LRRTM4: variants seen among roughly 807,000 people sequenced by gnomAD.
The protein encoded by LRRTM4 is leucine rich repeat transmembrane neuronal 4.
LRRTM4 carries 25 observed loss-of-function variants against 47.6 expected under a neutral mutation model. The observed-to-expected ratio is 0.53, with a 90% CI of 0.38 to 0.73. The LOEUF is 0.73. Among genes scored for constraint, LRRTM4 ranks in the 30% least tolerant of loss-of-function variants. LRRTM4 has a pLI of 0.00. For missense variants in LRRTM4, 638 were observed against 713.4 expected (o/e 0.89, Z 1.20); for synonymous variants, 311 against 269.5 (o/e 1.15, Z -1.51).
chr2:76,960,980 TC>T lies in LRRTM4; in HGVS notation c.1552-212065del, dbSNP rs562883941. On this transcript the variant is annotated intron_variant, in intron 3 of 3. Coordinates refer to ENST00000409884, the MANE Select transcript of LRRTM4 (RefSeq NM_001134745.3). ...TAATACTACAAGATAATTTATTTTT[TC>T]AATATAATTTTGTAATTAATACTTG... Among the ~76,000 whole-genome samples the T allele has an allele frequency of 5.3e-5, 8 of 151,710 alleles. No homozygotes were observed. In the East Asian group the frequency reaches 1.4e-3, roughly 26 times the overall value.
chr2:77,188,400 A>T (rs571675974), intron 3 of LRRTM4, among the ~76,000 whole-genome samples: 1 of 152,092 alleles, frequency 6.6e-6, no homozygotes, highest in East Asian at 1.9e-4. Flanking sequence ...TTTCCTTCAC[A>T]TTCTCTACTC....
At chr2:76,785,847 A>C (rs78490792) in intron 3 of LRRTM4, among the ~76,000 whole-genome samples, 2,383 of 152,264 alleles carry the variant, frequency 0.016, 68 homozygotes, top group African/African-American at 0.055. Flanking sequence ...TTTAAAAGAC[A>C]AGGATCAGCC....
chr2:76,965,437 T>C (rs1675990677), intron 3 of LRRTM4, among the ~76,000 whole-genome samples: 1 of 150,990 alleles, frequency 6.6e-6, no homozygotes, highest in African/African-American at 2.4e-5. Flanking sequence ...ATCAACAGGG[T>C]AAAAAAGAAT....
intron 3 of LRRTM4, among the ~76,000 whole-genome samples, chr2:77,129,849 T>A (rs13421737): frequency 0.49 from 74,520 of 151,946 alleles, 18,600 homozygotes; most frequent in East Asian, 0.66. Context: ...AGGTATAACT[T>A]TGGGAGTATA....
At chr2:77,209,990 G>T (rs886177521) in intron 3 of LRRTM4, among the ~76,000 whole-genome samples, 1 of 152,090 alleles carries the variant, frequency 6.6e-6, no homozygotes, top group Non-Finnish European at 1.5e-5. Context: ...CAATTATAAA[G>T]CTCTCTGCCT....
chr2:77,351,975 T>G (rs1168137310), intron 3 of LRRTM4, among the ~76,000 whole-genome samples: 1 of 152,118 alleles, frequency 6.6e-6, no homozygotes, highest in Non-Finnish European at 1.5e-5. Context: ...ACTTTATTAA[T>G]GAAGTCACCT....
intron 3 of LRRTM4, among the ~76,000 whole-genome samples, chr2:77,266,590 T>C (rs943390865): frequency 2.3e-4 from 35 of 152,116 alleles, no homozygotes; most frequent in African/African-American, 8.0e-4. Flanking sequence ...TCCAAAGGTC[T>C]ACAGAGGGGA....
intron 3 of LRRTM4, among the ~76,000 whole-genome samples, chr2:77,199,195 TTAA>T (rs1673909832): frequency 6.6e-6 from 1 of 152,140 alleles, no homozygotes; most frequent in East Asian, 1.9e-4. Context: ...GACTTCAATC[TTAA>T]TAACAGTATT....
intron 3 of LRRTM4, among the ~76,000 whole-genome samples, chr2:77,368,738 G>C (rs1422532686): frequency 6.6e-6 from 1 of 151,850 alleles, no homozygotes; most frequent in East Asian, 1.9e-4. Context: ...CCAAACGAAA[G>C]GAAAGGAATA....
intron 3 of LRRTM4, among the ~76,000 whole-genome samples, chr2:77,133,867 A>G (rs969311659): frequency 6.6e-6 from 1 of 152,184 alleles, no homozygotes; most frequent in African/African-American, 2.4e-5. Context: ...GATTGAACAA[A>G]AGTTTGTTCT....
At chr2:76,851,870 T>C (rs187120353) in intron 3 of LRRTM4, among the ~76,000 whole-genome samples, 3 of 151,976 alleles carry the variant, frequency 2.0e-5, no homozygotes, top group Non-Finnish European at 4.4e-5. Flanking sequence ...GATCCTGAAT[T>C]ATGCTAAAAT....
intron 3 of LRRTM4, among the ~76,000 whole-genome samples, chr2:76,973,160 AG>A (rs67224700): frequency 0.24 from 36,634 of 151,842 alleles, 5,570 homozygotes; most frequent in African/African-American, 0.42. Flanking sequence ...AGTTACAAGG[AG>A]ACTCTGACAA....
chr2:76,942,493 T>C (rs1440107134), intron 3 of LRRTM4, among the ~76,000 whole-genome samples: 1 of 87,648 alleles, frequency 1.1e-5, no homozygotes, highest in Non-Finnish European at 2.5e-5. Context: ...GTGCTAACAT[T>C]TTTTTTTTTT....
intron 3 of LRRTM4, among the ~76,000 whole-genome samples, chr2:77,345,749 T>C (rs892748111): frequency 2.0e-5 from 3 of 151,818 alleles, no homozygotes; most frequent in Non-Finnish European, 4.4e-5. Flanking sequence ...GAAGTTTTTT[T>C]TAAAGTTAAA....
intron 3 of LRRTM4, among the ~76,000 whole-genome samples, chr2:76,753,867 G>A (rs182394031): frequency 8.7e-4 from 132 of 152,224 alleles, no homozygotes; most frequent in African/African-American, 3.0e-3. Flanking sequence ...ATGAAATTCC[G>A]ATATTGTGAC....
intron 3 of LRRTM4, among the ~76,000 whole-genome samples, chr2:77,423,520 C>T (rs954668893): frequency 6.6e-6 from 1 of 152,074 alleles, no homozygotes; most frequent in African/African-American, 2.4e-5. Context: ...AGTAGCATGG[C>T]ACCATGCATG....
At chr2:77,349,905 C>G (rs1671696384) in intron 3 of LRRTM4, among the ~76,000 whole-genome samples, 1 of 152,096 alleles carries the variant, frequency 6.6e-6, no homozygotes, top group Non-Finnish European at 1.5e-5. Context: ...ATACCCCTAT[C>G]TTATACCATA....
chr2:76,911,632 G>A (rs993482428), intron 3 of LRRTM4, among the ~76,000 whole-genome samples: 1 of 151,930 alleles, frequency 6.6e-6, no homozygotes, highest in Non-Finnish European at 1.5e-5. Context: ...CAGAGAGAGA[G>A]AAAAGAAAGA....
At chr2:77,202,264 G>C (rs1320243479) in intron 3 of LRRTM4, among the ~76,000 whole-genome samples, 1 of 152,040 alleles carries the variant, frequency 6.6e-6, no homozygotes, top group East Asian at 1.9e-4. Context: ...CATTTCTGCT[G>C]ATGATTATAT....
Sources: gnomAD v4.1 joint callset for allele counts (sites outside exome capture counted in the v4.1 genomes callset) on GRCh38, gnomAD v4.1.1 for gene constraint, MANE v1.5 for transcripts, NCBI Gene and HGNC (gene_info 2026-07-23, HGNC 2026-07-21) for gene names.